The following DRC11 variants were observed in gnomAD, a reference collection of about 807,000 sequenced individuals.
DRC11 encodes IQ and AAA domain-containing protein 1.
chr2:236,387,975 T>A, the DRC11 span, among the ~76,000 whole-genome samples: 26 of 152,324 alleles, frequency 1.7e-4, no homozygotes, highest in South Asian at 4.6e-3. Flanking sequence ...TCTTTAAGAA[T>A]GTTGAATATT....
chr2:236,490,950 ATATG>A, the DRC11 span, among the ~76,000 whole-genome samples: 2 of 147,424 alleles, frequency 1.4e-5, no homozygotes, highest in African/African-American at 5.0e-5. The surrounding 1 kb of genome is among the most constrained non-coding windows in gnomAD (Gnocchi z 5.5). Flanking sequence ...GTGTGTATAT[ATATG>A]TGTGTATATA....
At chr2:236,507,186 A>G in the DRC11 span, 1 of 1,479,186 alleles carries the variant, frequency 6.8e-7, no homozygotes, top group East Asian at 2.3e-5. Flanking sequence ...AAATAAGAGA[A>G]GCAGAAAGCA....
chr2:236,359,316 A>T, the DRC11 span, among the ~76,000 whole-genome samples: 1 of 152,104 alleles, frequency 6.6e-6, no homozygotes, highest in East Asian at 1.9e-4. The surrounding 1 kb of genome is among the most constrained non-coding windows in gnomAD (Gnocchi z 4.3). Flanking sequence ...TCATTATTCT[A>T]TTAGTTACTG....
chr2:236,394,889 C>T, the DRC11 span, among the ~76,000 whole-genome samples: 1 of 152,292 alleles, frequency 6.6e-6, no homozygotes, highest in Non-Finnish European at 1.5e-5. This position sits in a 1 kb window ranked among gnomAD's most constrained non-coding sequence, Gnocchi z 7.0. Context: ...GGCTGAGCAC[C>T]ATCTCTGCCA....
chr2:236,506,335 G>T, the DRC11 span, among the ~76,000 whole-genome samples: 6 of 152,248 alleles, frequency 3.9e-5, no homozygotes, highest in African/African-American at 1.4e-4. The surrounding 1 kb of genome is among the most constrained non-coding windows in gnomAD (Gnocchi z 4.9). Flanking sequence ...TCAGACATGG[G>T]TCTCGCTCCT....
At chr2:236,371,455 CA>C in the DRC11 span, among the ~76,000 whole-genome samples, 2 of 152,118 alleles carry the variant, frequency 1.3e-5, no homozygotes, top group African/African-American at 2.4e-5. This position sits in a 1 kb window ranked among gnomAD's most constrained non-coding sequence, Gnocchi z 5.1. Context: ...TTTCCAGAGG[CA>C]GGGGGGCATT....
chr2:236,395,247 A>G, the DRC11 span, among the ~76,000 whole-genome samples: 1 of 152,268 alleles, frequency 6.6e-6, no homozygotes, highest in Non-Finnish European at 1.5e-5. Flanking sequence ...AGGTGTGACG[A>G]CAAGAGGGGA....
the DRC11 span, chr2:236,324,149 A>G: frequency 6.6e-6 from 1 of 152,292 alleles, no homozygotes; most frequent in African/African-American, 2.4e-5. The surrounding 1 kb of genome is among the most constrained non-coding windows in gnomAD (Gnocchi z 5.7). Context: ...TTACCGAGTC[A>G]GTTCAAGGAC....
chr2:236,378,662 G>A, the DRC11 span, among the ~76,000 whole-genome samples: 1 of 147,908 alleles, frequency 6.8e-6, no homozygotes, highest in Non-Finnish European at 1.5e-5. Flanking sequence ...GCGAAACAGC[G>A]AGACTCCGTC....
chr2:236,479,317 T>C, the DRC11 span, among the ~76,000 whole-genome samples: 1 of 152,234 alleles, frequency 6.6e-6, no homozygotes, highest in Non-Finnish European at 1.5e-5. This position sits in a 1 kb window ranked among gnomAD's most constrained non-coding sequence, Gnocchi z 4.1. Context: ...TATCACTTAA[T>C]TGGAGAATTA....
the DRC11 span, among the ~76,000 whole-genome samples, chr2:236,342,035 G>A: frequency 4.9e-4 from 75 of 152,298 alleles, no homozygotes; most frequent in African/African-American, 1.3e-3. This position sits in a 1 kb window ranked among gnomAD's most constrained non-coding sequence, Gnocchi z 5.8. Context: ...TGGCGTCACT[G>A]ATCTTCGCCA....
chr2:236,471,089 C>T, the DRC11 span, among the ~76,000 whole-genome samples: 2 of 152,182 alleles, frequency 1.3e-5, no homozygotes, highest in African/African-American at 4.8e-5. The surrounding 1 kb of genome is among the most constrained non-coding windows in gnomAD (Gnocchi z 4.6). Context: ...CTTCTCAACA[C>T]AGCCTTATGC....
At chr2:236,393,053 C>A in the DRC11 span, among the ~76,000 whole-genome samples, 5 of 152,270 alleles carry the variant, frequency 3.3e-5, no homozygotes, top group East Asian at 7.7e-4. The surrounding 1 kb of genome is among the most constrained non-coding windows in gnomAD (Gnocchi z 4.7). Context: ...CAAATGTATG[C>A]TGAGGTGTGG....
the DRC11 span, among the ~76,000 whole-genome samples, chr2:236,314,622 T>A: frequency 1.3e-5 from 2 of 152,176 alleles, no homozygotes; most frequent in East Asian, 3.8e-4. This position sits in a 1 kb window ranked among gnomAD's most constrained non-coding sequence, Gnocchi z 4.5. Context: ...TGTTGCTGGA[T>A]ATACAACCAA....
chr2:236,447,806 T>TG, the DRC11 span, among the ~76,000 whole-genome samples: 1 of 147,086 alleles, frequency 6.8e-6, no homozygotes, highest in Non-Finnish European at 1.5e-5. The surrounding 1 kb of genome is among the most constrained non-coding windows in gnomAD (Gnocchi z 4.6). Context: ...TTCCATTTGG[T>TG]GGTTTGGATG....
At chr2:236,416,721 T>TTATATATATATATATATATATA in the DRC11 span, among the ~76,000 whole-genome samples, 6 of 64,242 alleles carry the variant, frequency 9.3e-5, no homozygotes, top group African/African-American at 1.2e-4. Context: ...ATATATATAT[T>TTATATATATATATATATATATA]TATATATATA....
At chr2:236,376,424 T>C in the DRC11 span, among the ~76,000 whole-genome samples, 2 of 152,228 alleles carry the variant, frequency 1.3e-5, no homozygotes, top group Non-Finnish European at 1.5e-5. The surrounding 1 kb of genome is among the most constrained non-coding windows in gnomAD (Gnocchi z 5.7). Context: ...GAAGGTTCAC[T>C]GTATATTAGG....
At chr2:236,326,898 T>C in the DRC11 span, among the ~76,000 whole-genome samples, 4 of 151,818 alleles carry the variant, frequency 2.6e-5, no homozygotes, top group African/African-American at 7.3e-5. Flanking sequence ...TTTTGTATTT[T>C]TAGTAGAGGC....
chr2:236,315,896 G>A, the DRC11 span, among the ~76,000 whole-genome samples: 1 of 152,080 alleles, frequency 6.6e-6, no homozygotes. The surrounding 1 kb of genome is among the most constrained non-coding windows in gnomAD (Gnocchi z 5.1). Context: ...ATGCATGCTG[G>A]GCTTAATACC....
Sources: allele counts gnomAD v4.1 joint callset (sites outside exome capture counted in the v4.1 genomes callset), GRCh38; gene constraint gnomAD v4.1.1; non-coding constraint Gnocchi (gnomAD v3.1); transcripts MANE v1.5; gene names NCBI Gene and HGNC (gene_info 2026-07-23, HGNC 2026-07-21).